The following CARF variants were observed in gnomAD, a reference collection of about 807,000 sequenced individuals.
The protein encoded by CARF is calcium-responsive transcription factor.
CARF carries 57 observed loss-of-function variants against 82.0 expected under a neutral mutation model. The observed-to-expected ratio is 0.70, with a 90% CI of 0.56 to 0.87. The LOEUF (loss-of-function observed/expected upper bound fraction) is 0.87, where lower values mean the gene tolerates loss of function less well. Ranked by LOEUF, CARF falls within the 40% of genes least tolerant of loss-of-function variation. The probability of loss-of-function intolerance (pLI) is 0.00; values close to 1 mark genes in which losing one functional copy is unlikely to be tolerated. For synonymous variants in CARF, 268 were observed against 290.1 expected (o/e 0.92, Z 0.77); for missense variants, 771 against 855.8 (o/e 0.90, Z 1.24).
chr2:202,929,107 C>T (rs567605955), intron 3 of CARF, among the ~76,000 whole-genome samples: 36 of 152,288 alleles, frequency 2.4e-4, no homozygotes, highest in Admixed American at 3.9e-4. Flanking sequence ...ATTAATCCCT[C>T]GTGGAATAGT....
intron 9 of CARF, among the ~76,000 whole-genome samples, chr2:202,966,292 G>A: frequency 6.6e-6 from 1 of 152,066 alleles, no homozygotes; most frequent in East Asian, 1.9e-4. Flanking sequence ...TCTTAGGGCT[G>A]GCTGCTGTAT....
At position 202,984,882 on chromosome 2, in the gene CARF, C is replaced by G. The variant is rs988027944; in HGVS notation, c.*1258C>G. ...ACCAGCCTGGCCAACGTGGTGAAAC[C>G]CTGTTTCTACTAAAAATACAAAAAT... On this transcript the variant is annotated 3_prime_UTR_variant, in exon 17 of 17. Coordinates refer to ENST00000438828, the MANE Select transcript of CARF (RefSeq NM_024744.17). 1 of 151,964 alleles carries G rather than the reference C, an allele frequency of 6.6e-6. No homozygotes were observed. The highest frequency in any genetic ancestry group is 1.5e-5 in the Non-Finnish European group (1 of 68,064). The allele number at this position is 151,964 out of a possible 1,614,324, so 9.4% of individuals were successfully genotyped here. A position where few individuals can be genotyped will look rare whatever the true frequency, so the allele number is the denominator to read the frequency against.
At chr2:202,957,266 A>G (rs1405548299) in intron 8 of CARF, among the ~76,000 whole-genome samples, 1 of 152,016 alleles carries the variant, frequency 6.6e-6, no homozygotes, top group East Asian at 1.9e-4. Context: ...GTATTTGAAG[A>G]TTGTTTTAAT....
At chr2:202,973,462 G>T (rs977875042) in intron 12 of CARF, 1 of 433,760 alleles carries the variant, frequency 2.3e-6, no homozygotes, top group South Asian at 1.7e-5. Context: ...ATCTTCTTTT[G>T]TCTCCGTGTA....
At chr2:202,968,815 T>C (rs897698361) in intron 10 of CARF, among the ~76,000 whole-genome samples, 2 of 152,190 alleles carry the variant, frequency 1.3e-5, no homozygotes, top group Non-Finnish European at 2.9e-5. Flanking sequence ...CATGATAGTA[T>C]AGAATATAGT....
rs1422817584 is a variant in CARF at position 202,982,240 on chromosome 2, A to T, written c.1858A>T (p.Thr620Ser). 1 of 1,614,166 alleles carries T rather than the reference A, an allele frequency of 6.2e-7. No homozygotes were observed. Among genetic ancestry groups the T allele is most frequent in the Admixed American group, 1.7e-5 (1 of 60,022 alleles). Residue 620 changes from threonine to serine, a missense_variant, in exon 16 of 17, where the codon ACA becomes TCA. Physicochemically the swap from Thr to Ser is moderately conservative, Grantham distance 58. Transcript: ENST00000438828. Reference protein sequence around the residue: ...LGQSHSLQRDTCLTQNNSTAS... With the variant: ...LGQSHSLQRDSCLTQNNSTAS... ...TCAAAGTCATAGCCTTCAAAGAGAT[A>T]CATGCTTAACCCAAAACAATAGTAC... is the stretch of plus-strand genomic sequence containing the variant.
At chr2:202,978,199 G>A (rs1219697731) in intron 14 of CARF, among the ~76,000 whole-genome samples, 1 of 152,158 alleles carries the variant, frequency 6.6e-6, no homozygotes, top group African/African-American at 2.4e-5. Flanking sequence ...ACTGAGCTCA[G>A]CAACACTGGC....
intron 3 of CARF, among the ~76,000 whole-genome samples, chr2:202,927,652 T>C (rs1692107638): frequency 6.6e-6 from 1 of 152,164 alleles, no homozygotes; most frequent in Non-Finnish European, 1.5e-5. Context: ...AGTTAGCATA[T>C]TCATCATCTC....
intron 12 of CARF, 113 bp from the exon 13 acceptor site, chr2:202,974,221 C>A (rs916373567): frequency 7.3e-6 from 5 of 683,442 alleles, no homozygotes; most frequent in Non-Finnish European, 1.1e-5. Context: ...ACTTACAGAG[C>A]TATAAACCAT....
At position 202,971,547 on chromosome 2, in the gene CARF, T is replaced by C; in HGVS notation, c.1140T>C (p.His380=). The C allele has an allele frequency of 3.7e-6, 6 of 1,613,636 alleles. No homozygotes were observed. The highest frequency in any genetic ancestry group is 5.1e-6 in the Non-Finnish European group (6 of 1,179,740). Residue 380 remains histidine, a synonymous_variant, in exon 12 of 17, where the codon CAT becomes CAC. Coordinates refer to ENST00000438828, the MANE Select transcript of CARF (RefSeq NM_024744.17). ...QLPTQQAHQY[H]ELETPCLTLS... is the part of the protein sequence containing the mutation. ...CTACACAGCAAGCTCATCAGTATCA[T>C]GAATTAGAGACTCCCTGCCTCACTT...
intron 3 of CARF, among the ~76,000 whole-genome samples, chr2:202,939,698 T>C (rs2105793857): frequency 6.8e-6 from 1 of 146,238 alleles, no homozygotes; most frequent in South Asian, 2.2e-4. Flanking sequence ...TTTTTTTTTT[T>C]TTTTTTTTGA....
At chr2:202,966,919 C>A in intron 9 of CARF, 59 bp from the exon 10 acceptor site, 1 of 1,520,356 alleles carries the variant, frequency 6.6e-7, no homozygotes, top group Non-Finnish European at 8.9e-7. Context: ...TACTTTTAAT[C>A]TAGTGTCTAG....
intron 3 of CARF, among the ~76,000 whole-genome samples, chr2:202,928,095 T>C (rs1692201717): frequency 1.3e-5 from 2 of 152,172 alleles, no homozygotes; most frequent in Non-Finnish European, 2.9e-5. Context: ...AGCTGTACCT[T>C]TGTAACCATC....
At chr2:202,972,527 A>T (rs1293695117) in intron 12 of CARF, among the ~76,000 whole-genome samples, 1 of 151,610 alleles carries the variant, frequency 6.6e-6, no homozygotes, top group Non-Finnish European at 1.5e-5. Flanking sequence ...AAATACAAAA[A>T]CTAGCTGGGC....
intron 2 of CARF, among the ~76,000 whole-genome samples, chr2:202,924,054 G>T (rs957889515): frequency 1.3e-5 from 2 of 152,166 alleles, no homozygotes; most frequent in African/African-American, 4.8e-5. Context: ...AGCATCTTTT[G>T]TGTGCTTACT....
At chr2:202,953,195 T>C (rs1243742476) in intron 6 of CARF, among the ~76,000 whole-genome samples, 3 of 152,072 alleles carry the variant, frequency 2.0e-5, no homozygotes, top group African/African-American at 7.2e-5. Flanking sequence ...TTTATATTTT[T>C]AGTAGAGACG....
chr2:202,932,073 G>T (rs1693041358), intron 3 of CARF, among the ~76,000 whole-genome samples: 1 of 152,156 alleles, frequency 6.6e-6, no homozygotes, highest in Non-Finnish European at 1.5e-5. Flanking sequence ...ATTTCACATG[G>T]CAGGAGCAGG....
chr2:202,919,546 C>G (rs143567628), intron 2 of CARF, among the ~76,000 whole-genome samples: 3 of 152,148 alleles, frequency 2.0e-5, no homozygotes, highest in Non-Finnish European at 2.9e-5. Context: ...AGTTAGAGCT[C>G]TAGCTTTTGG....
Position 202,971,560 on chromosome 2 carries a change from C to T in CARF, c.1153C>T (p.Pro385Ser), listed in dbSNP as rs761619134. 1 of 1,613,674 alleles carries T rather than the reference C, an allele frequency of 6.2e-7. No individual in the cohort carries two copies. Among genetic ancestry groups the T allele is most frequent in the Non-Finnish European group, 8.5e-7 (1 of 1,179,786 alleles). The change falls in exon 12 of 17, where the codon CCC becomes TCC. Residue 385 changes from proline to serine, a missense_variant. Pro to Ser is a moderately conservative substitution (Grantham distance 74). Coordinates refer to ENST00000438828, the MANE Select transcript of CARF (RefSeq NM_024744.17). ...TCATCAGTATCATGAATTAGAGACT[C>T]CCTGCCTCACTTTGTCACCTTCTCC... ...QAHQYHELETPCLTLSPSPFP... is the reference protein window; with the variant it reads ...QAHQYHELETSCLTLSPSPFP...
Sources: gnomAD v4.1 joint callset for allele counts (sites outside exome capture counted in the v4.1 genomes callset) on GRCh38, gnomAD v4.1.1 for gene constraint, MANE v1.5 for transcripts, NCBI Gene and HGNC (gene_info 2026-07-23, HGNC 2026-07-21) for gene names.